DIAPH3: variants seen among roughly 807,000 people sequenced by gnomAD.
DIAPH3 encodes the protein diaphanous related formin 3.
DIAPH3 carries 117 observed loss-of-function variants against 144.3 expected under a neutral mutation model. That is an observed-to-expected ratio of 0.81 (90% CI 0.70 to 0.95). The LOEUF (loss-of-function observed/expected upper bound fraction) is 0.95, where lower values mean the gene tolerates loss of function less well. DIAPH3 is among the 40% of genes least tolerant of loss of function. The probability of loss-of-function intolerance (pLI) is 0.00; values close to 1 mark genes in which losing one functional copy is unlikely to be tolerated. For synonymous variants in DIAPH3, 519 were observed against 488.9 expected (o/e 1.06, Z -0.81); for missense variants, 1,421 against 1,412.7 (o/e 1.01, Z -0.09).
At chr13:59,797,984 A>T (rs1190922053) in intron 25 of DIAPH3, among the ~76,000 whole-genome samples, 1 of 152,146 alleles carries the variant, frequency 6.6e-6, no homozygotes, top group Non-Finnish European at 1.5e-5. Flanking sequence ...AACACTCCCA[A>T]GATTAAAAAG....
intron 9 of DIAPH3, among the ~76,000 whole-genome samples, chr13:59,997,134 A>G (rs533647790): frequency 3.3e-5 from 5 of 152,144 alleles, no homozygotes; most frequent in African/African-American, 1.2e-4. Flanking sequence ...CTATTCTGCT[A>G]TCAAACATTA....
intron 5 of DIAPH3, chr13:60,034,406 A>G (rs539706916): frequency 6.6e-6 from 1 of 152,300 alleles, no homozygotes; most frequent in South Asian, 2.1e-4. Context: ...TGTCTTTTAA[A>G]CAGTAAACTG....
At chr13:59,764,383 G>A (rs752310635) in intron 27 of DIAPH3, among the ~76,000 whole-genome samples, 2 of 151,432 alleles carry the variant, frequency 1.3e-5, no homozygotes, top group Non-Finnish European at 2.9e-5. Flanking sequence ...TTCTGTCAGC[G>A]GTTCCTGGCA....
chr13:59,680,380 C>T (rs902740068), intron 27 of DIAPH3, among the ~76,000 whole-genome samples: 2 of 152,090 alleles, frequency 1.3e-5, no homozygotes, highest in Non-Finnish European at 2.9e-5. Flanking sequence ...TGCTGGGCCT[C>T]AGGGCAGAAT....
chr13:59,755,240 A>G (rs567699695), intron 27 of DIAPH3, among the ~76,000 whole-genome samples: 7 of 152,312 alleles, frequency 4.6e-5, no homozygotes, highest in African/African-American at 1.7e-4. Context: ...ATGTTCATTG[A>G]TAATGAAGAA....
chr13:60,052,730 G>C (rs1024174865), intron 4 of DIAPH3, among the ~76,000 whole-genome samples: 7 of 151,736 alleles, frequency 4.6e-5, no homozygotes, highest in East Asian at 1.9e-4. Context: ...AAGAGCAAAG[G>C]CGGGCGGATC....
intron 21 of DIAPH3, among the ~76,000 whole-genome samples, chr13:59,870,017 T>C (rs987520942): frequency 5.9e-5 from 9 of 152,162 alleles, no homozygotes; most frequent in African/African-American, 2.2e-4. Context: ...TAGATTATAC[T>C]TTTAGTGTTA....
At chr13:60,029,173 CTG>C in intron 5 of DIAPH3, among the ~76,000 whole-genome samples, 3 of 144,904 alleles carry the variant, frequency 2.1e-5, no homozygotes, top group Non-Finnish European at 4.6e-5. Context: ...AAAAAAAAAA[CTG>C]TTATTCTCGA....
At position 59,774,178 on chromosome 13, in the gene DIAPH3, C is replaced by T. The variant is rs190669571; in HGVS notation, c.3319+11G>A. The T allele has an allele frequency of 1.5e-5, 24 of 1,611,358 alleles. No homozygotes were observed. Among genetic ancestry groups the T allele is most frequent in the African/African-American group, 8.0e-5 (6 of 74,866 alleles). ...AAGAAGAATGTGCAATTTATAAATACGGTTTATTACCATGGTTACAAACTT... is the reference window on the plus strand; with the variant it reads ...AAGAAGAATGTGCAATTTATAAATATGGTTTATTACCATGGTTACAAACTT... On this transcript the variant is annotated intron_variant, in intron 27 of 27. Transcript: ENST00000400324.
rs116042091 is a variant in DIAPH3 at position 59,909,423 on chromosome 13, T to G, written c.2367+2312A>C. ...CCACTTCTCTTTGGAGAGCAAAAGTTGAGAAGTAGTAGCAGCCAGATTGGA... is the reference window on the plus strand; with the variant it reads ...CCACTTCTCTTTGGAGAGCAAAAGTGGAGAAGTAGTAGCAGCCAGATTGGA... On this transcript the variant is annotated intron_variant, in intron 20 of 27. Coordinates refer to ENST00000400324, the MANE Select transcript of DIAPH3 (RefSeq NM_001042517.2). Among the ~76,000 whole-genome samples, 504 of 151,654 alleles carry G rather than the reference T, an allele frequency of 3.3e-3. 2 individuals are homozygous for G. The highest frequency in any genetic ancestry group is 0.011 in the African/African-American group (464 of 41,372).
At chr13:59,872,863 G>A (rs1245803102) in intron 21 of DIAPH3, among the ~76,000 whole-genome samples, 1 of 152,188 alleles carries the variant, frequency 6.6e-6, no homozygotes, top group Non-Finnish European at 1.5e-5. Context: ...TGCTTGCTAT[G>A]AGAGCAGGAA....
chr13:59,978,518 AAAC>A (rs10556381), intron 14 of DIAPH3, among the ~76,000 whole-genome samples: 5,532 of 151,866 alleles, frequency 0.036, 133 homozygotes, highest in East Asian at 0.075. Flanking sequence ...AAAATTATAA[AAAC>A]AACCACAGTC....
chr13:60,050,372 G>A (rs781325910), intron 4 of DIAPH3, among the ~76,000 whole-genome samples: 17 of 152,308 alleles, frequency 1.1e-4, no homozygotes, highest in Admixed American at 2.6e-4. Context: ...CAGTGAACAC[G>A]ACAAGAGTTA....
intron 3 of DIAPH3, among the ~76,000 whole-genome samples, chr13:60,102,168 G>C (rs929395639): frequency 1.3e-5 from 2 of 151,894 alleles, no homozygotes; most frequent in African/African-American, 4.8e-5. Flanking sequence ...ATTTATGCTC[G>C]AGATCCCTTT....
chr13:59,772,856 G>A (rs890532610), intron 27 of DIAPH3, among the ~76,000 whole-genome samples: 10 of 151,796 alleles, frequency 6.6e-5, no homozygotes, highest in African/African-American at 1.5e-4. Flanking sequence ...GTACATATAC[G>A]AAATCAAAAA....
chr13:59,903,584 A>G (rs902013836), intron 20 of DIAPH3, among the ~76,000 whole-genome samples: 2 of 151,876 alleles, frequency 1.3e-5, no homozygotes, highest in African/African-American at 4.8e-5. Context: ...AAATGGCAAG[A>G]TCACTTAGGG....
At chr13:60,147,246 T>C (rs1951569847) in intron 1 of DIAPH3, 1 of 152,200 alleles carries the variant, frequency 6.6e-6, no homozygotes, top group East Asian at 1.9e-4. Context: ...TGCAAATTCC[T>C]ATTTACAGAG....
At position 60,080,993 on chromosome 13, in the gene DIAPH3, C is replaced by T. The variant is rs533343233; in HGVS notation, c.495+12635G>A. ...CAAATCTGAGAAACATGATTCTGAG[C>T]TCATCAGGCCTGCTTAATTGCACTA... On this transcript the variant is annotated intron_variant, in intron 4 of 27. Coordinates refer to ENST00000400324, the MANE Select transcript of DIAPH3 (RefSeq NM_001042517.2). Among the ~76,000 whole-genome samples, 69 of 152,032 alleles carry T rather than the reference C, an allele frequency of 4.5e-4. No homozygotes were observed. In the South Asian group the frequency reaches 5.8e-3, roughly 13 times the overall value.
intron 22 of DIAPH3, among the ~76,000 whole-genome samples, chr13:59,850,280 C>T (rs2042887645): frequency 6.7e-6 from 1 of 150,028 alleles, no homozygotes; most frequent in Admixed American, 6.6e-5. Context: ...GACAATTTGA[C>T]TTCCTCTTTT....
Sources: allele counts gnomAD v4.1 joint callset (sites outside exome capture counted in the v4.1 genomes callset), GRCh38; gene constraint gnomAD v4.1.1; transcripts MANE v1.5; gene names NCBI Gene and HGNC (gene_info 2026-07-23, HGNC 2026-07-21).